TEX261: variants seen among roughly 807,000 people sequenced by gnomAD.
TEX261 encodes the protein testis expressed 261, also known as protein TEX261.
TEX261 carries 13 observed loss-of-function variants against 25.1 expected under a neutral mutation model. That is an observed-to-expected ratio of 0.52 (90% CI 0.34 to 0.82). TEX261 has a LOEUF of 0.82. TEX261 is among the 40% of genes least tolerant of loss of function. The pLI is 0.02. For synonymous variants in TEX261, 92 were observed against 97.8 expected, an observed-to-expected ratio of 0.94 and a Z score of 0.35; for missense variants, 206 against 243.2, an observed-to-expected ratio of 0.85 and a Z score of 1.02.
rs1395072823 is a variant in TEX261 at position 70,987,646 on chromosome 2, T to C, written c.*954A>G. The C allele has an allele frequency of 1.3e-5, 2 of 152,568 alleles. No individual in the cohort carries two copies. Among genetic ancestry groups the C allele is most frequent in the African/African-American group, 2.4e-5 (1 of 41,462 alleles). 9.5% of individuals were successfully genotyped at this position (152,568 alleles called of 1,614,324 possible). On this transcript the variant is annotated 3_prime_UTR_variant, in exon 6 of 6. Coordinates refer to ENST00000272438, the MANE Select transcript of TEX261 (RefSeq NM_144582.3). ...AGACGGGCCAGGGCTTGGATGCTCT[T>C]AGAGTGACAAACAGCTTCTCCCATT...
intron 1 of TEX261, 54 bp downstream of exon 1, chr2:70,994,634 C>G: frequency 1.9e-6 from 3 of 1,558,478 alleles, no homozygotes; most frequent in South Asian, 2.4e-5. Flanking sequence ...CGACCCCCAA[C>G]GAGCACCGAT....
At chr2:70,993,275 T>C (rs1203574165) in intron 2 of TEX261, among the ~76,000 whole-genome samples, 1 of 152,250 alleles carries the variant, frequency 6.6e-6, no homozygotes. Context: ...GCTGTGCCGA[T>C]CTTAGGACAA....
rs1553425090 is a variant in TEX261, at chr2:70,987,854, G to A, written c.*746C>T. 1 of 152,338 alleles carries A rather than the reference G, an allele frequency of 6.6e-6. No individual in the cohort carries two copies. Among genetic ancestry groups the A allele is most frequent in the African/African-American group, 2.4e-5 (1 of 41,444 alleles). 9.4% of individuals were successfully genotyped at this position (152,338 alleles called of 1,614,324 possible). A position where few individuals can be genotyped will look rare whatever the true frequency, so the allele number is the denominator to read the frequency against. Reference sequence around the variant, plus strand: ...TAAATTGTCCCCTCTCCTACTCCCAGTTTGACAGTCACGGAGCCTTGGGGA... The same window carrying A: ...TAAATTGTCCCCTCTCCTACTCCCAATTTGACAGTCACGGAGCCTTGGGGA... On this transcript the variant is annotated 3_prime_UTR_variant, in exon 6 of 6. Coordinates refer to ENST00000272438, the MANE Select transcript of TEX261 (RefSeq NM_144582.3).
At chr2:70,994,599 G>A (rs1004892268) in intron 1 of TEX261, 89 bp downstream of exon 1, 24 of 1,524,570 alleles carry the variant, frequency 1.6e-5, no homozygotes, top group African/African-American at 2.8e-5. Flanking sequence ...GTGGTCCCCC[G>A]AGTGGCTCCG....
At chr2:70,991,734 A>T in intron 3 of TEX261, 96 bp downstream of exon 3, 2 of 1,457,164 alleles carry the variant, frequency 1.4e-6, no homozygotes, top group Non-Finnish European at 1.9e-6. Flanking sequence ...GGACTTCAAC[A>T]GCTGGCTTCC....
chr2:70,994,812 T>A lies in TEX261; in HGVS notation c.-55A>T. On this transcript the variant is annotated 5_prime_UTR_variant, in exon 1 of 6. Transcript: ENST00000272438. ...CCGGGACGGGCCTGCGCGCTTCGGCTCCGGCGACACACAGCCGCCACCGCC... is the reference window on the plus strand; with the variant it reads ...CCGGGACGGGCCTGCGCGCTTCGGCACCGGCGACACACAGCCGCCACCGCC... The A allele has an allele frequency of 2.8e-6, 4 of 1,425,420 alleles. No homozygotes were observed. The highest frequency in any genetic ancestry group is 3.7e-6 in the Non-Finnish European group (4 of 1,082,736). The allele number at this position is 1,425,420 out of a possible 1,614,324, so 88.3% of individuals were successfully genotyped here. A position where few individuals can be genotyped will look rare whatever the true frequency, so the allele number is the denominator to read the frequency against.
chr2:70,988,904 T>A lies in TEX261; in HGVS notation c.475+11A>T, dbSNP rs1670247840. The A allele has an allele frequency of 6.2e-7, 1 of 1,610,842 alleles. No individual in the cohort carries two copies. On this transcript the variant is annotated intron_variant, in intron 5 of 5. Coordinates refer to ENST00000272438, the MANE Select transcript of TEX261 (RefSeq NM_144582.3). ...TGCCCCCACCTGGGCCCCTTACAAA[T>A]CCCTTCTCACCTCCTGGCTGCATGG...
chr2:70,994,472 G>C, intron 1 of TEX261: 5 of 618,262 alleles, frequency 8.1e-6, no homozygotes, highest in East Asian at 3.3e-5. Flanking sequence ...GGCAGTGCCG[G>C]AGCGGACTCT....
intron 3 of TEX261, among the ~76,000 whole-genome samples, chr2:70,990,042 G>A (rs1388993005): frequency 6.6e-6 from 1 of 152,152 alleles, no homozygotes; most frequent in Non-Finnish European, 1.5e-5. Flanking sequence ...ATTAGAAGAA[G>A]GCTCTTTGCA....
At chr2:70,989,346 G>A (rs1324154174) in intron 4 of TEX261, 3 of 448,654 alleles carry the variant, frequency 6.7e-6, no homozygotes, top group South Asian at 2.4e-5. Context: ...TCTTCCCAGA[G>A]GTTCAAACTG....
Position 70,993,767 on chromosome 2 carries a change from G to C in TEX261, c.79C>G (p.Leu27Val). The change falls in exon 2 of 6, where the codon CTC becomes GTC. Residue 27 changes from leucine to valine, a missense_variant. By Grantham distance (32) the Leu-to-Val change is conservative. Coordinates refer to ENST00000272438, the MANE Select transcript of TEX261 (RefSeq NM_144582.3). ...AFITLAVAAG[L>V]YYLAELIEEY... ...TCTATCAGTTCTGCCAGGTAATAGA[G>C]TCCAGCCGCTGCAGGGTGGGAGGCA... The C allele has an allele frequency of 1.2e-6, 2 of 1,612,662 alleles. No individual in the cohort carries two copies. Among genetic ancestry groups the C allele is most frequent in the Non-Finnish European group, 1.7e-6 (2 of 1,179,922 alleles).
intron 1 of TEX261, 41 bp downstream of exon 1, chr2:70,994,647 C>T (rs782448586): frequency 9.6e-5 from 151 of 1,566,064 alleles, no homozygotes; most frequent in Non-Finnish European, 1.2e-4. Flanking sequence ...GCACCGATGC[C>T]GGGGCGGGAG....
chr2:70,986,041 C>T lies in TEX261; in HGVS notation c.*2559G>A, dbSNP rs1317119251. ...CAACACAATCCTTGCCCTCAAGGAGCTTACAGTCTACTGGGGAGATGACCA... is the reference window on the plus strand; with the variant it reads ...CAACACAATCCTTGCCCTCAAGGAGTTTACAGTCTACTGGGGAGATGACCA... On this transcript the variant is annotated 3_prime_UTR_variant, in exon 6 of 6. Transcript: ENST00000272438. The T allele has an allele frequency of 1.3e-5, 2 of 152,362 alleles. No individual in the cohort carries two copies. The highest frequency in any genetic ancestry group is 2.9e-5 in the Non-Finnish European group (2 of 68,144). The allele number at this position is 152,362 out of a possible 1,614,324, so 9.4% of individuals were successfully genotyped here.
At chr2:70,991,694 GCAT>G in intron 3 of TEX261, 133 bp downstream of exon 3, 2 of 1,052,608 alleles carry the variant, frequency 1.9e-6, no homozygotes, top group Admixed American at 5.0e-5. Context: ...AGTAAGAACC[GCAT>G]CTTCCCAACT....
chr2:70,990,268 G>C (rs781950251), intron 3 of TEX261, among the ~76,000 whole-genome samples: 2 of 151,648 alleles, frequency 1.3e-5, no homozygotes, highest in East Asian at 1.9e-4. Context: ...CAAGGAGAAG[G>C]CCTGCTCAAA....
rs782508838 is a variant in TEX261, at chr2:70,994,788, C to T, written c.-31G>A. The T allele has an allele frequency of 7.1e-6, 11 of 1,559,878 alleles. No homozygotes were observed. Among genetic ancestry groups the T allele is most frequent in the Admixed American group, 3.8e-5 (2 of 53,038 alleles). ...CCCCACCCGCCCGCTCCCCGGCCAC[C>T]GGGACGGGCCTGCGCGCTTCGGCTC... is the stretch of plus-strand genomic sequence containing the variant. On this transcript the variant is annotated 5_prime_UTR_variant, in exon 1 of 6. Transcript: ENST00000272438.
At chr2:70,992,109 G>T in intron 2 of TEX261, 126 bp from the exon 3 acceptor site, 2 of 914,544 alleles carry the variant, frequency 2.2e-6, no homozygotes, top group Non-Finnish European at 3.0e-6. Context: ...CACAGGTCTG[G>T]CCTCCCCAGC....
chr2:70,989,107 G>C (rs1670252950), intron 4 of TEX261, 90 bp from the exon 5 acceptor site: 1 of 1,116,538 alleles, frequency 9.0e-7, no homozygotes, highest in East Asian at 2.5e-5. Flanking sequence ...AGAGTGCACA[G>C]GGGGCCACAC....
chr2:70,989,425 A>T, intron 4 of TEX261: 1 of 416,532 alleles, frequency 2.4e-6, no homozygotes, highest in Non-Finnish European at 4.4e-6. Context: ...GCTGGGGCTC[A>T]GGGGTGCAGT....
Sources: gnomAD v4.1 joint callset for allele counts (sites outside exome capture counted in the v4.1 genomes callset) on GRCh38, gnomAD v4.1.1 for gene constraint, MANE v1.5 for transcripts, NCBI Gene and HGNC (gene_info 2026-07-23, HGNC 2026-07-21) for gene names.